IL4I1: variants seen among roughly 807,000 people sequenced by gnomAD.
The protein encoded by IL4I1 is interleukin 4 induced 1, also known as L-amino-acid oxidase.
In IL4I1, 24 loss-of-function variants were observed where a neutral mutation model predicts 29.7. That is an observed-to-expected ratio of 0.81 (90% CI 0.59 to 1.14). The LOEUF (loss-of-function observed/expected upper bound fraction) is 1.14. IL4I1 is among the 50% of genes most tolerant of loss of function. The probability of loss-of-function intolerance (pLI) is 0.00; values close to 1 mark genes in which losing one functional copy is unlikely to be tolerated. For missense variants in IL4I1, 686 were observed against 785.6 expected (o/e 0.87, Z 1.52); for synonymous variants, 371 against 352.5 (o/e 1.05, Z -0.59).
chr19:49,925,354 G>A (rs2075861132), intron 2 of IL4I1, among the ~76,000 whole-genome samples: 1 of 151,670 alleles, frequency 6.6e-6, no homozygotes, highest in South Asian at 2.1e-4. Context: ...TTGGGAGGGT[G>A]AGGCAGGAGG....
In IL4I1 at chr19:49,894,210, C is replaced by T. The variant is rs559863344; in HGVS notation, c.567+58G>A. On this transcript the variant is annotated intron_variant, in intron 5 of 7. Coordinates refer to ENST00000391826, the MANE Select transcript of IL4I1 (RefSeq NM_152899.2). ...AGAGAGAAGAAAAGCCGGGCCGGGGCGAGCTTAGGAGGAGGACAGAGAAGT... is the reference window on the plus strand; with the variant it reads ...AGAGAGAAGAAAAGCCGGGCCGGGGTGAGCTTAGGAGGAGGACAGAGAAGT... The T allele has an allele frequency of 6.0e-5, 91 of 1,528,274 alleles. 1 individual carries two copies. Among genetic ancestry groups the T allele is most frequent in the Admixed American group, 4.3e-4 (23 of 53,290 alleles). The allele number at this position is 1,528,274 out of a possible 1,614,324, so 94.7% of individuals were successfully genotyped here. A position where few individuals can be genotyped will look rare whatever the true frequency, so the allele number is the denominator to read the frequency against.
chr19:49,923,553 G>T (rs17668276), intron 2 of IL4I1, among the ~76,000 whole-genome samples: 7 of 152,176 alleles, frequency 4.6e-5, no homozygotes, highest in Admixed American at 2.6e-4. Flanking sequence ...ATCACACACA[G>T]ACCCGGGCTC....
At chr19:49,908,909 G>T in intron 2 of IL4I1, 2 of 1,607,862 alleles carry the variant, frequency 1.2e-6, no homozygotes. Flanking sequence ...GGGGATCCCG[G>T]CTGGCGCCAG....
In IL4I1 at chr19:49,894,267, C is replaced by T. The variant is rs1431297923; in HGVS notation, c.567+1G>A. The stretch of plus-strand genomic sequence containing the variant: ...GGGAGGAGGGTGCAGGCGGTACCCA[C>T]CTGGTTGAGAGCCATCTGGTAGATG... On this transcript the variant is annotated splice_donor_variant, in intron 5 of 7. Transcript: ENST00000391826. LOFTEE classifies it high-confidence loss of function. The T allele has an allele frequency of 4.3e-6, 7 of 1,613,038 alleles. No individual in the cohort carries two copies. In the Admixed American group the frequency reaches 8.4e-5, roughly 19 times the overall value.
chr19:49,924,999 C>T (rs2075852134), intron 2 of IL4I1, among the ~76,000 whole-genome samples: 2 of 152,208 alleles, frequency 1.3e-5, no homozygotes, highest in Admixed American at 6.5e-5. Flanking sequence ...CGGTGGTTCA[C>T]GCCTGTAATA....
intron 2 of IL4I1, chr19:49,908,930 T>G (rs1314592143): frequency 6.2e-7 from 1 of 1,608,236 alleles, no homozygotes; most frequent in Non-Finnish European, 8.5e-7. Flanking sequence ...TGGTTTTAAA[T>G]TCAAGGCAAA....
rs779433826 is a variant in IL4I1, at chr19:49,908,283, G to A, written c.-227-3962C>T. Reference sequence around the variant, plus strand: ...AAGCTGCGCTCCTGCTCCTTGCGCCGGCCCTCGCACACCTTGGTCACCTCC... The same window carrying A: ...AAGCTGCGCTCCTGCTCCTTGCGCCAGCCCTCGCACACCTTGGTCACCTCC... On this transcript the variant is annotated intron_variant, in intron 2 of 9. Transcript: ENST00000341114. The A allele has an allele frequency of 8.7e-6, 14 of 1,613,732 alleles. No homozygotes were observed. Among genetic ancestry groups the A allele is most frequent in the South Asian group, 5.5e-5 (5 of 91,082 alleles).
rs1449698078 is a variant in IL4I1 at position 49,890,387 on chromosome 19, G to A, written c.987C>T (p.Arg329=). The change falls in exon 8 of 8, where the codon CGC becomes CGT. Residue 329 remains arginine (R), a synonymous_variant. Transcript: ENST00000391826. ...LLTASGPAVK[R]ITFSPPLPRH... The stretch of plus-strand genomic sequence containing the variant: ...GGGGCAGCGGCGGCGAGAAGGTGAT[G>A]CGCTTCACCGCCGGTCCGCTCGCCG... The A allele has an allele frequency of 3.7e-6, 6 of 1,604,154 alleles. No individual in the cohort carries two copies. The highest frequency in any genetic ancestry group is 2.7e-5 in the African/African-American group (2 of 74,964).
chr19:49,914,670 C>T (rs963921319), intron 2 of IL4I1, among the ~76,000 whole-genome samples: 4 of 147,574 alleles, frequency 2.7e-5, no homozygotes, highest in Admixed American at 2.1e-4. Flanking sequence ...CCCCAGCCTT[C>T]GGTCAGCTCT....
At chr19:49,924,557 C>T (rs1380288161) in intron 2 of IL4I1, among the ~76,000 whole-genome samples, 3 of 152,174 alleles carry the variant, frequency 2.0e-5, no homozygotes, top group Non-Finnish European at 4.4e-5. Flanking sequence ...CCCCAGTAGC[C>T]CCACCCTTGC....
At chr19:49,894,612 A>G in intron 4 of IL4I1, 143 bp from the exon 5 acceptor site, 1 of 658,740 alleles carries the variant, frequency 1.5e-6, no homozygotes, top group Non-Finnish European at 2.7e-6. Flanking sequence ...TGGGGTAATC[A>G]ATGCTGGGGG....
At chr19:49,920,557 G>T (rs1007670549) in intron 2 of IL4I1, among the ~76,000 whole-genome samples, 2 of 152,234 alleles carry the variant, frequency 1.3e-5, no homozygotes, top group African/African-American at 4.8e-5. Context: ...ACCAGGGGGT[G>T]CTGGGAAGGG....
chr19:49,893,985 C>CAAAAAA (rs996597872), intron 5 of IL4I1, among the ~76,000 whole-genome samples: 1 of 19,668 alleles, frequency 5.1e-5, no homozygotes, highest in East Asian at 1.3e-3. Flanking sequence ...GACTCCATCT[C>CAAAAAA]AAAAAAAAAA....
intron 1 of IL4I1, chr19:49,928,465 C>G: frequency 6.7e-6 from 1 of 149,946 alleles, no homozygotes; most frequent in Non-Finnish European, 1.5e-5. Flanking sequence ...TGCAGTGAGC[C>G]GAGATCGCGC....
chr19:49,890,142 C>T lies in IL4I1; in HGVS notation c.1232G>A (p.Ser411Asn). The T allele has an allele frequency of 6.5e-7, 1 of 1,541,918 alleles. No individual in the cohort carries two copies. Among genetic ancestry groups the T allele is most frequent in the Admixed American group, 2.0e-5 (1 of 50,878 alleles). The change falls in exon 8 of 8, where the codon AGC becomes AAC. Residue 411 changes from serine to asparagine, a missense_variant. Coordinates refer to ENST00000391826, the MANE Select transcript of IL4I1 (RefSeq NM_152899.2). Reference protein sequence around the residue: ...SDAAAAFAGLSREEALRLALD... With the variant: ...SDAAAAFAGLNREEALRLALD... Reference sequence around the variant, plus strand: ...CGCCAAGCGCAACGCCTCTTCCCGGCTCAAGCCGGCGAACGCTGCCGCCGC... The same window carrying T: ...CGCCAAGCGCAACGCCTCTTCCCGGTTCAAGCCGGCGAACGCTGCCGCCGC...
intron 4 of IL4I1, 50 bp downstream of exon 4, chr19:49,895,015 AGCT>A: frequency 7.2e-7 from 1 of 1,385,418 alleles, no homozygotes; most frequent in Non-Finnish European, 1.0e-6. Flanking sequence ...GTGGGCATGG[AGCT>A]GGGGGGCTAG....
chr19:49,895,703 C>A, intron 3 of IL4I1, 112 bp downstream of exon 3: 2 of 754,228 alleles, frequency 2.7e-6, no homozygotes, highest in Non-Finnish European at 2.2e-6. Flanking sequence ...GCCTCTCCCC[C>A]CACATCCCCA....
intron 2 of IL4I1, among the ~76,000 whole-genome samples, chr19:49,917,256 C>T (rs1600532294): frequency 6.6e-6 from 1 of 152,242 alleles, no homozygotes; most frequent in Non-Finnish European, 1.5e-5. Flanking sequence ...CCAACACTGC[C>T]TTCCCTCACT....
At chr19:49,895,751 G>T in intron 3 of IL4I1, 64 bp downstream of exon 3, 3 of 1,400,970 alleles carry the variant, frequency 2.1e-6, no homozygotes, top group Non-Finnish European at 3.0e-6. Flanking sequence ...CCGTGTCCCT[G>T]TGCCCAGGGA....
Sources: gnomAD v4.1 joint callset for allele counts (sites outside exome capture counted in the v4.1 genomes callset) on GRCh38, gnomAD v4.1.1 for gene constraint, MANE v1.5 for transcripts, NCBI Gene and HGNC (gene_info 2026-07-23, HGNC 2026-07-21) for gene names.